The following LIPH variants were observed in gnomAD, a reference collection of about 807,000 sequenced individuals.
LIPH encodes lipase H.
Under a neutral mutation model 47.6 loss-of-function variants are expected in LIPH, and 32 were observed. The ratio of observed to expected loss-of-function variants is 0.67; its 90% CI spans 0.51 to 0.90. LIPH has a LOEUF of 0.90. LIPH is among the 40% of genes least tolerant of loss of function. The pLI is 0.00. For synonymous variants in LIPH, 190 were observed against 195.6 expected (o/e 0.97, Z 0.24); for missense variants, 497 against 541.4 (o/e 0.92, Z 0.81).
At chr3:185,529,919 A>G (rs991266841) in intron 3 of LIPH, among the ~76,000 whole-genome samples, 5 of 41,132 alleles carry the variant, frequency 1.2e-4, no homozygotes, top group African/African-American at 2.0e-4. Flanking sequence ...AGAAAGAAAG[A>G]AAGAAAGAAA....
At chr3:185,545,788 C>T (rs562259549) in intron 1 of LIPH, among the ~76,000 whole-genome samples, 1 of 152,148 alleles carries the variant, frequency 6.6e-6, no homozygotes, top group South Asian at 2.1e-4. Flanking sequence ...TGTCCAACTC[C>T]ACTGCCTATT....
At chr3:185,547,267 A>C (rs1720905735) in intron 1 of LIPH, among the ~76,000 whole-genome samples, 1 of 152,156 alleles carries the variant, frequency 6.6e-6, no homozygotes, top group Non-Finnish European at 1.5e-5. Flanking sequence ...TAGAAGTGAA[A>C]TTCATGTAGG....
Position 185,507,731 on chromosome 3 carries a change from G to A in LIPH, c.*1059C>T, listed in dbSNP as rs1719422697. On this transcript the variant is annotated 3_prime_UTR_variant, in exon 10 of 10. Coordinates refer to ENST00000296252, the MANE Select transcript of LIPH (RefSeq NM_139248.3). ...TTTGAATTCACGTGTTGGCAAAATAGGTGACAGCCTTGTTCCAAAAGGCTA... is the reference window on the plus strand; with the variant it reads ...TTTGAATTCACGTGTTGGCAAAATAAGTGACAGCCTTGTTCCAAAAGGCTA... The A allele has an allele frequency of 6.6e-6, 1 of 152,186 alleles. No homozygotes were observed. The highest frequency in any genetic ancestry group is 1.5e-5 in the Non-Finnish European group (1 of 68,038). The allele number at this position is 152,186 out of a possible 1,614,324, so 9.4% of individuals were successfully genotyped here. A position where few individuals can be genotyped will look rare whatever the true frequency, so the allele number is the denominator to read the frequency against.
intron 1 of LIPH, among the ~76,000 whole-genome samples, chr3:185,548,020 C>T (rs1720931724): frequency 6.6e-6 from 1 of 152,136 alleles, no homozygotes; most frequent in African/African-American, 2.4e-5. Context: ...CTTATGCTTG[C>T]CTGAAGACAC....
rs1491071690 is a variant in LIPH, at chr3:185,529,963, AAG to A, written c.527-2380_527-2379del. 4.6e-3 allele frequency among the ~76,000 whole-genome samples: 210 copies of A among 45,702 alleles called. 3 individuals carry two copies. The highest frequency in any genetic ancestry group is 0.014 in the African/African-American group (203 of 14,434). The allele number at this position is 45,702 out of a possible 152,430, so 30.0% of individuals were successfully genotyped here. On this transcript the variant is annotated intron_variant, in intron 3 of 9. Coordinates refer to ENST00000296252, the MANE Select transcript of LIPH (RefSeq NM_139248.3). ...GAAAGAAAGAAAGAAAGAAAGAAAG[AAG>A]GAAAGAAAGAAAGAGAGAGAGAGAG...
chr3:185,508,488 C>T lies in LIPH; in HGVS notation c.*302G>A, dbSNP rs980094144. 1.5e-5 allele frequency: 6 copies of T among 390,998 alleles called. No homozygotes were observed. The highest frequency in any genetic ancestry group is 2.9e-5 in the Non-Finnish European group (6 of 208,276). The allele number at this position is 390,998 out of a possible 1,614,324, so 24.2% of individuals were successfully genotyped here. ...CAGCCGCGATGGGCAGAACCACCCGCGTGACAGGCAGCAGAATTGACAGGT... is the reference window on the plus strand; with the variant it reads ...CAGCCGCGATGGGCAGAACCACCCGTGTGACAGGCAGCAGAATTGACAGGT... On this transcript the variant is annotated 3_prime_UTR_variant, in exon 10 of 10. Transcript: ENST00000296252.
At position 185,534,979 on chromosome 3, in the gene LIPH, G is replaced by A; in HGVS notation, c.203C>T (p.Thr68Ile). 1 of 1,613,906 alleles carries A rather than the reference G, an allele frequency of 6.2e-7. No individual in the cohort carries two copies. The highest frequency in any genetic ancestry group is 8.5e-7 in the Non-Finnish European group (1 of 1,179,896). Reference sequence around the variant, plus strand: ...ATGGACAATGAAGGTGGTTTTCTTGGTCACATTCAAGTTCCCAAAAGCTGA... The same window carrying A: ...ATGGACAATGAAGGTGGTTTTCTTGATCACATTCAAGTTCCCAAAAGCTGA... ...NSSAFGNLNV[T>I]KKTTFIVHGF... Residue 68 changes from threonine to isoleucine, a missense_variant, in exon 2 of 10, where the codon ACC becomes ATC. Physicochemically the swap from Thr to Ile is moderately conservative, Grantham distance 89. Coordinates refer to ENST00000296252, the MANE Select transcript of LIPH (RefSeq NM_139248.3).
At chr3:185,514,722 G>A (rs912752589) in intron 7 of LIPH, among the ~76,000 whole-genome samples, 4 of 152,188 alleles carry the variant, frequency 2.6e-5, no homozygotes, top group African/African-American at 9.7e-5. Flanking sequence ...TGATAGCAGA[G>A]TTCATTGGTT....
At chr3:185,521,882 T>C (rs1466688299) in intron 5 of LIPH, among the ~76,000 whole-genome samples, 1 of 152,236 alleles carries the variant, frequency 6.6e-6, no homozygotes, top group African/African-American at 2.4e-5. Context: ...TGTGTTAAAA[T>C]GCCCTTTATT....
Position 185,552,535 on chromosome 3 carries a change from G to T in LIPH, c.-64C>A. The T allele has an allele frequency of 1.7e-6, 2 of 1,181,214 alleles. No individual in the cohort carries two copies. Among genetic ancestry groups the T allele is most frequent in the Non-Finnish European group, 2.5e-6 (2 of 785,890 alleles). 73.2% of individuals were successfully genotyped at this position (1,181,214 alleles called of 1,614,324 possible). ...TGATTTACTTCGCAGAGGCTTAAGA[G>T]TTTCCACTGTGGGATTTTGCTCACA... On this transcript the variant is annotated 5_prime_UTR_variant, in exon 1 of 10. Transcript: ENST00000296252.
chr3:185,513,301 C>T (rs1719628229), intron 8 of LIPH, among the ~76,000 whole-genome samples: 1 of 147,216 alleles, frequency 6.8e-6, no homozygotes, highest in Non-Finnish European at 1.5e-5. Context: ...GATCAGGCCA[C>T]TATACTCCAG....
intron 1 of LIPH, among the ~76,000 whole-genome samples, chr3:185,535,791 T>C (rs1577682872): frequency 1.3e-5 from 2 of 152,012 alleles, no homozygotes; most frequent in Middle Eastern, 6.9e-3. Context: ...TTAGAAGAGA[T>C]GGGGTTTCAC....
chr3:185,542,728 C>T (rs1214408053), intron 1 of LIPH, among the ~76,000 whole-genome samples: 1 of 152,104 alleles, frequency 6.6e-6, no homozygotes, highest in Non-Finnish European at 1.5e-5. Context: ...AAGTGTCTCT[C>T]AACAGATGAT....
At chr3:185,530,782 T>G (rs1433191024) in intron 3 of LIPH, among the ~76,000 whole-genome samples, 4 of 152,104 alleles carry the variant, frequency 2.6e-5, no homozygotes, top group Admixed American at 1.3e-4. Flanking sequence ...AAGGATGCTA[T>G]TAATAAGCCT....
In LIPH at chr3:185,516,268, A is replaced by G. The variant is rs151266306; in HGVS notation, c.982+799T>C. Among the ~76,000 whole-genome samples the G allele has an allele frequency of 8.9e-3, 1,355 of 152,128 alleles. 20 individuals are homozygous for G. The highest frequency in any genetic ancestry group is 0.031 in the African/African-American group (1,289 of 41,462). On this transcript the variant is annotated intron_variant, in intron 7 of 9. Coordinates refer to ENST00000296252, the MANE Select transcript of LIPH (RefSeq NM_139248.3). ...GCCAACATGGCAAAACCCCGTCTCT[A>G]CTAAAAATACAAAAATTAGCCAGGC...
chr3:185,519,570 T>C (rs1001595485), intron 5 of LIPH, among the ~76,000 whole-genome samples: 6 of 152,114 alleles, frequency 3.9e-5, no homozygotes, highest in African/African-American at 7.2e-5. Flanking sequence ...GTGCAGTGGC[T>C]CACGCCTGTA....
Position 185,509,006 on chromosome 3 carries a change from G to A in LIPH, c.1269-129C>T, listed in dbSNP as rs1719470868. 8 of 691,504 alleles carry A rather than the reference G, an allele frequency of 1.2e-5. No homozygotes were observed. In the South Asian group the frequency reaches 1.3e-4, roughly 11 times the overall value. 42.8% of individuals were successfully genotyped at this position (691,504 alleles called of 1,614,324 possible). A position where few individuals can be genotyped will look rare whatever the true frequency, so the allele number is the denominator to read the frequency against. ...TTTTAATATAGAAAACACTTACGGTGGCCAGGCACGGTGACTCATGCCTGT... is the reference window on the plus strand; with the variant it reads ...TTTTAATATAGAAAACACTTACGGTAGCCAGGCACGGTGACTCATGCCTGT... On this transcript the variant is annotated intron_variant, in intron 9 of 9. Transcript: ENST00000296252.
chr3:185,524,604 C>G (rs371305560), intron 4 of LIPH, among the ~76,000 whole-genome samples: 10 of 152,184 alleles, frequency 6.6e-5, no homozygotes, highest in African/African-American at 2.2e-4. Flanking sequence ...CATGTGCCAC[C>G]ATGACCAGCT....
intron 5 of LIPH, among the ~76,000 whole-genome samples, chr3:185,520,711 A>G (rs1214424815): frequency 6.6e-6 from 1 of 152,148 alleles, no homozygotes; most frequent in African/African-American, 2.4e-5. Flanking sequence ...AGAGAAGGAT[A>G]CAAAGAACCC....
Sources: allele counts gnomAD v4.1 joint callset (sites outside exome capture counted in the v4.1 genomes callset), GRCh38; gene constraint gnomAD v4.1.1; transcripts MANE v1.5; gene names NCBI Gene and HGNC (gene_info 2026-07-23, HGNC 2026-07-21).